ATM: variants seen among roughly 807,000 people sequenced by gnomAD.
ATM encodes the protein ATM serine/threonine kinase, also known as serine-protein kinase ATM.
Under a neutral mutation model 387.0 loss-of-function variants are expected in ATM, and 308 were observed. The observed-to-expected ratio is 0.80, with a 90% CI of 0.73 to 0.87. ATM has a LOEUF of 0.87. Among genes scored for constraint, ATM ranks in the 40% least tolerant of loss-of-function variants. ATM has a pLI of 0.00. For missense variants in ATM, 3,312 were observed against 3,560.9 expected (o/e 0.93, Z 1.78); for synonymous variants, 1,156 against 1,187.3 (o/e 0.97, Z 0.54).
chr11:108,297,234 A>G, intron 32 of ATM, 53 bp from the exon 33 acceptor site: 1 of 1,446,648 alleles, frequency 6.9e-7, no homozygotes, highest in Admixed American at 1.7e-5. Context: ...AATTATAAAC[A>G]AAAGTGTTGT....
At chr11:108,330,496 G>A (rs750171759) in intron 50 of ATM, 75 bp downstream of exon 50, 55 of 1,419,916 alleles carry the variant, frequency 3.9e-5, no homozygotes, top group Admixed American at 1.0e-4. Context: ...GTCAGGAATC[G>A]TGTATACCTC....
chr11:108,356,333 C>A (rs558536804), intron 61 of ATM, among the ~76,000 whole-genome samples: 3 of 152,180 alleles, frequency 2.0e-5, no homozygotes, highest in African/African-American at 7.2e-5. Flanking sequence ...GTCAGGAGTT[C>A]AAGACCAGTT....
chr11:108,314,544 A>G lies in ATM; in HGVS notation c.6007-1279A>G, dbSNP rs1049099669. On this transcript the variant is annotated intron_variant, in intron 40 of 62. Coordinates refer to ENST00000675843, the MANE Select transcript of ATM (RefSeq NM_000051.4). ...ATTGTAGGCAATTCTTCTCGGGTAG[A>G]CTACAGTCCTCCTGTTGTCTAGGAC... Among the ~76,000 whole-genome samples the G allele has an allele frequency of 8.6e-5, 13 of 151,922 alleles. No individual in the cohort carries two copies. The East Asian group carries it at 2.5e-3, about 29-fold the overall frequency.
intron 38 of ATM, chr11:108,308,830 C>G (rs1045233662): frequency 1.9e-5 from 11 of 568,296 alleles, no homozygotes; most frequent in African/African-American, 1.9e-4. Flanking sequence ...TTTTCAGTGT[C>G]TTTGCTTCTG....
intron 24 of ATM, among the ~76,000 whole-genome samples, chr11:108,282,220 TG>T (rs992721230): frequency 1.3e-5 from 2 of 151,444 alleles, no homozygotes; most frequent in Non-Finnish European, 2.9e-5. Context: ...CTCCGCCTCC[TG>T]GGTTCATGCC....
In ATM at chr11:108,321,786, C is replaced by CA. The variant is rs770391775; in HGVS notation, c.6572+380dup. 6.3e-3 allele frequency among the ~76,000 whole-genome samples: 775 copies of CA among 122,398 alleles called. 1 individual carries two copies. Among genetic ancestry groups the CA allele is most frequent in the Middle Eastern group, 0.018 (4 of 220 alleles). The allele number at this position is 122,398 out of a possible 152,430, so 80.3% of individuals were successfully genotyped here. On this transcript the variant is annotated intron_variant, in intron 45 of 62. Transcript: ENST00000675843. ...TGGGCAACAGAGCGAGACTCTGTCT[C>CA]AAAAAAAAAAAAAACTATGTAGAGA...
chr11:108,365,307 TTG>T lies in ATM; in HGVS notation c.8988-14_8988-13del. On this transcript the variant is annotated splice_polypyrimidine_tract_variant and intron_variant, in intron 62 of 62. Transcript: ENST00000675843. The stretch of plus-strand genomic sequence containing the variant: ...TAAACTGTTCACCTCACTGAAACCT[TTG>T]TGTTTTTGTCCTTAGTGATATTGAC... The T allele has an allele frequency of 6.2e-7, 1 of 1,614,138 alleles. No homozygotes were observed. Among genetic ancestry groups the T allele is most frequent in the Non-Finnish European group, 8.5e-7 (1 of 1,180,004 alleles).
chr11:108,321,209 A>T, intron 44 of ATM, 92 bp from the exon 45 acceptor site: 1 of 1,528,710 alleles, frequency 6.5e-7, no homozygotes, highest in South Asian at 1.1e-5. Context: ...AGCAAAGCCT[A>T]TGATGAGAAC....
intron 28 of ATM, 50 bp downstream of exon 28, chr11:108,289,153 T>G: frequency 3.9e-6 from 6 of 1,543,070 alleles, no homozygotes; most frequent in Non-Finnish European, 5.3e-6. Context: ...CTTTTTTAGC[T>G]AAAAAAACTT....
chr11:108,353,680 C>T (rs2089478206), intron 59 of ATM, 86 bp from the exon 60 acceptor site: 2 of 1,103,230 alleles, frequency 1.8e-6, no homozygotes, highest in East Asian at 4.7e-5. Flanking sequence ...CATGTGGTTT[C>T]TTGCCTTTGT....
In ATM at chr11:108,345,847, T is replaced by G; in HGVS notation, c.8523T>G (p.Asp2841Glu). The part of the protein sequence containing the change: ...FRYFCMEKFL[D>E]PAIWFEKRLA... ...ACTTCTGCATGGAAAAATTCTTGGA[T>G]CCAGCTATTTGGTTTGAGAAGCGAT... Residue 2841 changes from aspartate (D) to glutamate (E), a missense_variant, in exon 58 of 63, where the codon GAT becomes GAG. Coordinates refer to ENST00000675843, the MANE Select transcript of ATM (RefSeq NM_000051.4). The G allele has an allele frequency of 6.2e-7, 1 of 1,613,896 alleles. No homozygotes were observed. The highest frequency in any genetic ancestry group is 1.3e-5 in the African/African-American group (1 of 75,040).
chr11:108,348,259 T>C (rs2088714409), intron 59 of ATM, among the ~76,000 whole-genome samples: 1 of 149,284 alleles, frequency 6.7e-6, no homozygotes, highest in South Asian at 2.1e-4. Context: ...AGAAAGAGAA[T>C]ATATATAGCT....
Position 108,229,374 on chromosome 11 carries a change from G to A in ATM, c.331+51G>A, listed in dbSNP as rs759952043. 2.6e-5 allele frequency: 35 copies of A among 1,371,590 alleles called. 1 individual carries two copies. The highest frequency in any genetic ancestry group is 7.9e-5 in the South Asian group (6 of 75,994). 85.0% of individuals were successfully genotyped at this position (1,371,590 alleles called of 1,614,324 possible). Reference sequence around the variant, plus strand: ...AAATGGCTTAACAGATTACTGTCGCGTGAGTTTTTTTTTTTTTTCAGATCA... The same window carrying A: ...AAATGGCTTAACAGATTACTGTCGCATGAGTTTTTTTTTTTTTTCAGATCA... On this transcript the variant is annotated intron_variant, in intron 4 of 62. Transcript: ENST00000675843.
At chr11:108,320,186 T>C in intron 44 of ATM, 128 bp downstream of exon 44, 2 of 721,348 alleles carry the variant, frequency 2.8e-6, no homozygotes, top group Non-Finnish European at 4.7e-6. Flanking sequence ...GTGGCTGTGA[T>C]CAGATGTTTC....
chr11:108,292,187 A>G (rs1362887553), intron 29 of ATM, among the ~76,000 whole-genome samples: 1 of 152,230 alleles, frequency 6.6e-6, no homozygotes, highest in African/African-American at 2.4e-5. Context: ...TCCATGAACT[A>G]CCATGAGCCA....
At chr11:108,339,427 A>T (rs920781328) in intron 56 of ATM, among the ~76,000 whole-genome samples, 1 of 152,134 alleles carries the variant, frequency 6.6e-6, no homozygotes, top group African/African-American at 2.4e-5. Flanking sequence ...ATCTTAAGAC[A>T]TTCACTGAAT....
chr11:108,362,243 A>T (rs1410871874), intron 61 of ATM, among the ~76,000 whole-genome samples: 1 of 149,026 alleles, frequency 6.7e-6, no homozygotes, highest in Non-Finnish European at 1.5e-5. Context: ...TCAAAACCAC[A>T]ATGAGATACC....
chr11:108,257,755 G>A, intron 15 of ATM, 149 bp downstream of exon 15: 4 of 820,808 alleles, frequency 4.9e-6, no homozygotes, highest in Middle Eastern at 3.4e-4. Context: ...AAGTAATTGG[G>A]ACTACAGGCA....
At chr11:108,246,323 T>C (rs1395645871) in intron 7 of ATM, among the ~76,000 whole-genome samples, 2 of 152,160 alleles carry the variant, frequency 1.3e-5, no homozygotes, top group Non-Finnish European at 2.9e-5. Context: ...TGTTTAGGGA[T>C]TTAGTTAACT....
Sources: gnomAD v4.1 joint callset for allele counts (sites outside exome capture counted in the v4.1 genomes callset) on GRCh38, gnomAD v4.1.1 for gene constraint, MANE v1.5 for transcripts, NCBI Gene and HGNC (gene_info 2026-07-23, HGNC 2026-07-21) for gene names.